Variants in MAGI2 observed in about 807,000 individuals in gnomAD.
MAGI2 encodes the protein membrane-associated guanylate kinase, WW and PDZ domain-containing protein 2.
MAGI2 carries 35 observed loss-of-function variants against 133.3 expected under a neutral mutation model. The observed-to-expected ratio is 0.26, with a 90% confidence interval of 0.20 to 0.35. The LOEUF (loss-of-function observed/expected upper bound fraction) is 0.35. Ranked by LOEUF, MAGI2 falls within the 10% of genes least tolerant of loss-of-function variation. MAGI2 has a pLI of 1.00. For missense variants in MAGI2, 1,636 were observed against 1,863.4 expected (o/e 0.88, Z 2.25); for synonymous variants, 729 against 710.6 (o/e 1.03, Z -0.41).
At chr7:78,463,726 C>T (rs147155052) in intron 6 of MAGI2, among the ~76,000 whole-genome samples, 9 of 152,160 alleles carry the variant, frequency 5.9e-5, no homozygotes, top group South Asian at 2.1e-4. Flanking sequence ...GAAAGGCTTC[C>T]GTTTAGGAAG....
intron 9 of MAGI2, among the ~76,000 whole-genome samples, chr7:78,323,817 A>G (rs1356515071): frequency 6.6e-6 from 1 of 152,206 alleles, no homozygotes; most frequent in African/African-American, 2.4e-5. Flanking sequence ...ACTTCTTAAC[A>G]ACAAATGATA....
intron 1 of MAGI2, among the ~76,000 whole-genome samples, chr7:79,389,167 C>T (rs1258582558): frequency 1.3e-5 from 2 of 151,782 alleles, no homozygotes; most frequent in Admixed American, 6.6e-5. Flanking sequence ...ATCTTCTATC[C>T]ACATATCCTT....
chr7:78,285,319 A>G (rs1796034024), intron 9 of MAGI2, among the ~76,000 whole-genome samples: 1 of 152,052 alleles, frequency 6.6e-6, no homozygotes, highest in South Asian at 2.1e-4. Context: ...ATACAGTTAC[A>G]TAATTATGTT....
chr7:78,564,780 A>ATTTT (rs1584654139), intron 3 of MAGI2, among the ~76,000 whole-genome samples: 1 of 72,174 alleles, frequency 1.4e-5, no homozygotes, highest in Non-Finnish European at 3.0e-5. Context: ...TCTCTTTGAC[A>ATTTT]TTCTTTTTTT....
At chr7:78,955,724 T>TCTTA (rs1802273138) in intron 2 of MAGI2, among the ~76,000 whole-genome samples, 1 of 20,944 alleles carries the variant, frequency 4.8e-5, no homozygotes, top group Non-Finnish European at 1.3e-4. Context: ...TCTTTCTTTC[T>TCTTA]CTTTCTTTCT....
intron 2 of MAGI2, among the ~76,000 whole-genome samples, chr7:78,925,007 G>T (rs1799583561): frequency 6.6e-6 from 1 of 151,974 alleles, no homozygotes; most frequent in Admixed American, 6.6e-5. Context: ...ATTTTGACAT[G>T]TGATTTGGCC....
At chr7:78,650,205 A>T (rs779944831) in intron 2 of MAGI2, among the ~76,000 whole-genome samples, 16 of 152,198 alleles carry the variant, frequency 1.1e-4, no homozygotes, top group Non-Finnish European at 2.1e-4. Context: ...GAGATCCTGG[A>T]TACAGCCACA....
At chr7:79,191,095 T>G (rs1252688981) in intron 1 of MAGI2, among the ~76,000 whole-genome samples, 2 of 151,822 alleles carry the variant, frequency 1.3e-5, no homozygotes, top group African/African-American at 4.8e-5. Flanking sequence ...TGTATTTTAA[T>G]TCTGAGTAGG....
At chr7:78,791,715 A>T (rs1189628137) in intron 2 of MAGI2, among the ~76,000 whole-genome samples, 2 of 151,868 alleles carry the variant, frequency 1.3e-5, no homozygotes, top group African/African-American at 4.8e-5. Context: ...ACGCCTGGCT[A>T]ATTTTTGTGT....
At chr7:79,265,826 A>C (rs777488771) in intron 1 of MAGI2, among the ~76,000 whole-genome samples, 1 of 152,098 alleles carries the variant, frequency 6.6e-6, no homozygotes, top group Non-Finnish European at 1.5e-5. Context: ...AGCTTCCTAA[A>C]GTGCTAATCT....
intron 1 of MAGI2, among the ~76,000 whole-genome samples, chr7:79,022,311 G>T (rs1056643187): frequency 6.6e-6 from 1 of 152,010 alleles, no homozygotes; most frequent in Non-Finnish European, 1.5e-5. Flanking sequence ...CAGAAATCAA[G>T]AAATTATTTG....
At chr7:79,321,886 A>G (rs1218196633) in intron 1 of MAGI2, among the ~76,000 whole-genome samples, 3 of 152,122 alleles carry the variant, frequency 2.0e-5, no homozygotes, top group Admixed American at 1.3e-4. Context: ...ATCAGTGGAG[A>G]CTGACTTTAA....
chr7:78,700,196 GCT>G (rs1319159961), intron 2 of MAGI2, among the ~76,000 whole-genome samples: 4 of 152,096 alleles, frequency 2.6e-5, no homozygotes, highest in African/African-American at 9.7e-5. Context: ...ATTTGACTAT[GCT>G]CTGTTTCTAT....
chr7:78,636,921 A>G (rs1255337893), intron 2 of MAGI2, among the ~76,000 whole-genome samples: 1 of 152,196 alleles, frequency 6.6e-6, no homozygotes, highest in Non-Finnish European at 1.5e-5. Flanking sequence ...AGAGTCTCTG[A>G]GTCACCCTGC....
chr7:78,131,087 T>A (rs968648401), intron 18 of MAGI2, among the ~76,000 whole-genome samples: 3 of 152,198 alleles, frequency 2.0e-5, no homozygotes, highest in Non-Finnish European at 2.9e-5. Flanking sequence ...AAGAAGAGTC[T>A]GAAGCTGGCT....
intron 6 of MAGI2, among the ~76,000 whole-genome samples, chr7:78,399,599 G>C (rs1335973073): frequency 5.9e-5 from 9 of 152,096 alleles, no homozygotes; most frequent in Non-Finnish European, 1.3e-4. Flanking sequence ...GTGGTCAGCA[G>C]TTCCAGACCA....
At chr7:78,572,845 A>G (rs1019765884) in intron 3 of MAGI2, among the ~76,000 whole-genome samples, 1 of 150,762 alleles carries the variant, frequency 6.6e-6, no homozygotes, top group African/African-American at 2.4e-5. Flanking sequence ...TATTTTTAAT[A>G]GATACAAGGT....
At chr7:78,063,957 T>C (rs1311279962) in intron 21 of MAGI2, among the ~76,000 whole-genome samples, 1 of 152,214 alleles carries the variant, frequency 6.6e-6, no homozygotes, top group African/African-American at 2.4e-5. Context: ...CTTATGGAAC[T>C]GAACTGAAAC....
chr7:79,336,506 G>T (rs117393775), intron 1 of MAGI2, among the ~76,000 whole-genome samples: 3,717 of 152,068 alleles, frequency 0.024, 56 homozygotes, highest in Non-Finnish European at 0.033. Flanking sequence ...TAAGAAAAAA[G>T]AAGGCGCTTA....
Sources: gnomAD v4.1 joint callset for allele counts (sites outside exome capture counted in the v4.1 genomes callset) on GRCh38, gnomAD v4.1.1 for gene constraint, MANE v1.5 for transcripts, NCBI Gene and HGNC (gene_info 2026-07-23, HGNC 2026-07-21) for gene names.